SNAPC3: variants seen among roughly 807,000 people sequenced by gnomAD.
SNAPC3 encodes the protein small nuclear RNA activating complex polypeptide 3.
SNAPC3 carries 56 observed loss-of-function variants against 47.7 expected under a neutral mutation model. That is an observed-to-expected ratio of 1.18 (90% CI 0.95 to 1.47). The LOEUF (loss-of-function observed/expected upper bound fraction) is 1.47. Ranked by LOEUF, SNAPC3 falls within the 40% of genes most tolerant of loss-of-function variation. The pLI is 0.00. For missense variants in SNAPC3, 665 were observed against 511.3 expected (o/e 1.30, Z -2.90); for synonymous variants, 235 against 189.9 (o/e 1.24, Z -1.95).
chr9:15,451,531 T>C (rs1159400790), intron 6 of SNAPC3, 129 bp downstream of exon 6: 2 of 453,542 alleles, frequency 4.4e-6, no homozygotes, highest in Admixed American at 7.9e-5. Flanking sequence ...TCTTGTCTTT[T>C]GCATTACATA....
chr9:15,460,844 C>CTT lies in SNAPC3; in HGVS notation c.*979_*980dup, dbSNP rs1362568210. On this transcript the variant is annotated 3_prime_UTR_variant, in exon 9 of 9. Transcript: ENST00000380821. The stretch of plus-strand genomic sequence containing the variant: ...CTCATAACTCCAGAAATAACATTAA[C>CTT]TTGAAGCTTTATTTCTTGACAAAAG... 1 of 152,076 alleles carries CTT rather than the reference C, an allele frequency of 6.6e-6. No individual in the cohort carries two copies. The highest frequency in any genetic ancestry group is 1.5e-5 in the Non-Finnish European group (1 of 68,016). The allele number at this position is 152,076 out of a possible 1,614,324, so 9.4% of individuals were successfully genotyped here. A position where few individuals can be genotyped will look rare whatever the true frequency, so the allele number is the denominator to read the frequency against.
Position 15,453,073 on chromosome 9 carries a change from G to C in SNAPC3, c.848G>C (p.Arg283Thr). 1 of 1,613,672 alleles carries C rather than the reference G, an allele frequency of 6.2e-7. No homozygotes were observed. Among genetic ancestry groups the C allele is most frequent in the Non-Finnish European group, 8.5e-7 (1 of 1,179,672 alleles). The stretch of plus-strand genomic sequence containing the variant: ...ATTGAGTGGTCAGAGTCCCATGATA[G>C]AGGCTATGGAAAGTTTCAGACTGCT... ...TIIEWSESHD[R>T]GYGKFQTARM... Residue 283 changes from arginine to threonine, a missense_variant, in exon 7 of 9, where the codon AGA becomes ACA. Coordinates refer to ENST00000380821, the MANE Select transcript of SNAPC3 (RefSeq NM_001039697.2).
downstream of SNAPC3, chr9:15,461,648 C>G (rs1046086226): frequency 6.6e-6 from 1 of 152,164 alleles, no homozygotes; most frequent in African/African-American, 2.4e-5. Context: ...TTAAATTTGA[C>G]TGAATATCTG....
In SNAPC3 at chr9:15,440,297, A is replaced by G. The variant is rs867228158; in HGVS notation, c.478-4305A>G. On this transcript the variant is annotated intron_variant, in intron 3 of 8. Transcript: ENST00000380821. Reference sequence around the variant, plus strand: ...TTCTTTATTTCTTCTTATGGCTTCAATTTACTGTCTAGTGTCTTTTCATTT... The same window carrying G: ...TTCTTTATTTCTTCTTATGGCTTCAGTTTACTGTCTAGTGTCTTTTCATTT... Among the ~76,000 whole-genome samples, 175 of 152,226 alleles carry G rather than the reference A, an allele frequency of 1.1e-3. 1 individual carries two copies. Among genetic ancestry groups the G allele is most frequent in the African/African-American group, 4.0e-3 (168 of 41,540 alleles).
chr9:15,429,348 G>C (rs907659236), intron 2 of SNAPC3, among the ~76,000 whole-genome samples: 9 of 152,188 alleles, frequency 5.9e-5, no homozygotes, highest in Non-Finnish European at 1.0e-4. Context: ...ATATACAAGA[G>C]AATGAGCTTT....
chr9:15,459,983 C>G lies in SNAPC3; in HGVS notation c.*117C>G, dbSNP rs935694062. ...ATCCACTTTGAACAGTCCGCTAAAG[C>G]TATCAAAAAAAAGTCCAAATGACAG... On this transcript the variant is annotated 3_prime_UTR_variant, in exon 9 of 9. Transcript: ENST00000380821. 3.8e-6 allele frequency: 3 copies of G among 796,262 alleles called. No homozygotes were observed. The highest frequency in any genetic ancestry group is 6.5e-5 in the Admixed American group (2 of 30,884). The allele number at this position is 796,262 out of a possible 1,614,324, so 49.3% of individuals were successfully genotyped here.
At chr9:15,449,441 G>A (rs1314932200) in intron 5 of SNAPC3, among the ~76,000 whole-genome samples, 7 of 149,920 alleles carry the variant, frequency 4.7e-5, no homozygotes, top group African/African-American at 9.8e-5. Flanking sequence ...TGATAGCTTC[G>A]GAAGTTTTTT....
At chr9:15,447,770 ATAGT>A (rs908358630) in intron 5 of SNAPC3, among the ~76,000 whole-genome samples, 5 of 152,212 alleles carry the variant, frequency 3.3e-5, no homozygotes, top group South Asian at 2.1e-4. Flanking sequence ...AGAGCCTCAA[ATAGT>A]TAGCACCCAT....
At chr9:15,458,663 TA>T (rs545402005) in intron 8 of SNAPC3, among the ~76,000 whole-genome samples, 3 of 149,530 alleles carry the variant, frequency 2.0e-5, no homozygotes, top group Non-Finnish European at 4.5e-5. Flanking sequence ...TGTGGGTCAG[TA>T]AAAAAAAAAT....
intron 3 of SNAPC3, among the ~76,000 whole-genome samples, chr9:15,442,764 G>A (rs1408838331): frequency 6.6e-6 from 1 of 152,132 alleles, no homozygotes; most frequent in Non-Finnish European, 1.5e-5. Flanking sequence ...CTTGCCAGAC[G>A]GGGTGGCGGC....
chr9:15,465,232 A>C, downstream of SNAPC3: 1 of 337,034 alleles, frequency 3.0e-6, no homozygotes, highest in Non-Finnish European at 5.4e-6. Context: ...TTACACATTA[A>C]CATACACACA....
At chr9:15,441,714 A>G (rs1271325855) in intron 3 of SNAPC3, among the ~76,000 whole-genome samples, 2 of 152,132 alleles carry the variant, frequency 1.3e-5, no homozygotes, top group Non-Finnish European at 2.9e-5. Flanking sequence ...GGTTGGGGGT[A>G]AGGTTATAGA....
At chr9:15,445,399 T>C (rs2033848663) in intron 4 of SNAPC3, among the ~76,000 whole-genome samples, 2 of 152,214 alleles carry the variant, frequency 1.3e-5, no homozygotes, top group Admixed American at 6.5e-5. Flanking sequence ...GGGAAGTTAT[T>C]GAACTAACCA....
At chr9:15,433,934 T>G (rs2032486689) in intron 3 of SNAPC3, 1 of 207,168 alleles carries the variant, frequency 4.8e-6, no homozygotes, top group South Asian at 1.5e-4. Flanking sequence ...TTTGTTCTGC[T>G]CCTGATTTTG....
downstream of SNAPC3, among the ~76,000 whole-genome samples, chr9:15,466,107 T>C (rs890810200): frequency 8.6e-5 from 13 of 151,892 alleles, no homozygotes; most frequent in African/African-American, 2.9e-4. Context: ...TGGCCGGGCA[T>C]GTTGGCTCAC....
At chr9:15,454,331 G>A (rs2034616242) in intron 7 of SNAPC3, among the ~76,000 whole-genome samples, 1 of 152,070 alleles carries the variant, frequency 6.6e-6, no homozygotes. Context: ...TGTATCCCAT[G>A]CACTCCATCT....
intron 7 of SNAPC3, among the ~76,000 whole-genome samples, chr9:15,454,333 A>G (rs1335278432): frequency 6.6e-6 from 1 of 152,082 alleles, no homozygotes; most frequent in Non-Finnish European, 1.5e-5. Context: ...TATCCCATGC[A>G]CTCCATCTCA....
Position 15,423,090 on chromosome 9 carries a change from C to G in SNAPC3, c.211C>G (p.Leu71Val). The change falls in exon 1 of 9, where the codon CTG becomes GTG. Residue 71 changes from leucine (L) to valine (V), a missense_variant. Transcript: ENST00000380821. ...GCTGAGGGAGCCGCCGGCATCCGCTCTGCCTGGGAGCCAGGCAGCTGACTC... is the reference window on the plus strand; with the variant it reads ...GCTGAGGGAGCCGCCGGCATCCGCTGTGCCTGGGAGCCAGGCAGCTGACTC... ...LSLREPPASA[L>V]PGSQAADSDR... 4 of 1,533,566 alleles carry G rather than the reference C, an allele frequency of 2.6e-6. No individual in the cohort carries two copies. Among genetic ancestry groups the G allele is most frequent in the Non-Finnish European group, 3.5e-6 (4 of 1,149,048 alleles). 95.0% of individuals were successfully genotyped at this position (1,533,566 alleles called of 1,614,324 possible).
intron 3 of SNAPC3, chr9:15,433,867 T>C: frequency 2.8e-6 from 1 of 362,976 alleles, no homozygotes; most frequent in East Asian, 4.2e-5. Context: ...TTTGGTTTTA[T>C]CTTGCTTTCG....
Sources: gnomAD v4.1 joint callset for allele counts (sites outside exome capture counted in the v4.1 genomes callset) on GRCh38, gnomAD v4.1.1 for gene constraint, MANE v1.5 for transcripts, NCBI Gene and HGNC (gene_info 2026-07-23, HGNC 2026-07-21) for gene names.